The following SPTBN2 variants were observed in gnomAD, a reference collection of about 807,000 sequenced individuals.
SPTBN2 encodes spectrin beta, non-erythrocytic 2.
In SPTBN2, 107 loss-of-function variants were observed where a neutral mutation model predicts 284.2. That is an observed-to-expected ratio of 0.38 (90% CI 0.32 to 0.44). The LOEUF is 0.44. SPTBN2 is among the 20% of genes least tolerant of loss of function. The pLI, the probability that SPTBN2 is intolerant of heterozygous loss-of-function variation, is 1.00. For synonymous variants in SPTBN2, 1,289 were observed against 1,354.8 expected (o/e 0.95, Z 1.07); for missense variants, 2,569 against 3,287.1 (o/e 0.78, Z 5.34).
intron 7 of SPTBN2, 117 bp downstream of exon 7, chr11:66,713,974 T>A: frequency 8.9e-7 from 1 of 1,120,794 alleles, no homozygotes; most frequent in South Asian, 1.3e-5. Flanking sequence ...CTGCTCCGAG[T>A]GCTATTCCTT....
At position 66,710,599 on chromosome 11, in the gene SPTBN2, G is replaced by A. The variant is rs746467181; in HGVS notation, c.1056C>T (p.Thr352=). The A allele has an allele frequency of 4.3e-6, 7 of 1,613,824 alleles. No individual in the cohort carries two copies. Among genetic ancestry groups the A allele is most frequent in the East Asian group, 2.2e-5 (1 of 44,842 alleles). Residue 352 remains threonine (T), a synonymous_variant, in exon 10 of 38, where the codon ACC becomes ACT. Coordinates refer to ENST00000533211, the MANE Select transcript of SPTBN2 (RefSeq NM_006946.4). The surrounding 1 kb of genome is among the most constrained non-coding windows in gnomAD (Gnocchi z 4.9). ...NQLQSFNSYR[T]VEKPPKFTEK... is the part of the protein sequence containing the mutation. Reference sequence around the variant, plus strand: ...ACACCTACTTGGGCGGCTTCTCCACGGTGCGGTAGGAGTTGAAGGACTGCA... The same window carrying A: ...ACACCTACTTGGGCGGCTTCTCCACAGTGCGGTAGGAGTTGAAGGACTGCA...
At chr11:66,714,484 C>A in intron 5 of SPTBN2, 77 bp from the exon 6 acceptor site, 2 of 1,263,080 alleles carry the variant, frequency 1.6e-6, no homozygotes, top group Non-Finnish European at 2.3e-6. Context: ...AGATAAATGG[C>A]AGGAAACTGC....
Position 66,707,706 on chromosome 11 carries a change from G to T in SPTBN2, c.1463C>A (p.Ala488Asp). Residue 488 changes from alanine to aspartate, a missense_variant, in exon 13 of 38, where the codon GCT becomes GAT. Ala to Asp is a moderately radical substitution (Grantham distance 126). Transcript: ENST00000533211. The surrounding 1 kb of genome is among the most constrained non-coding windows in gnomAD (Gnocchi z 4.9). ...GTAGCGCTCGGCGGCCAGCTCTGCA[G>T]CCACGGCGTCCACTGCCTGCACCCG... ...SGRVQAVDAVAAELAAERYHD... is the reference protein window; with the variant it reads ...SGRVQAVDAVDAELAAERYHD... 6.2e-7 allele frequency: 1 copy of T among 1,605,188 alleles called. No individual in the cohort carries two copies.
intron 1 of SPTBN2, among the ~76,000 whole-genome samples, chr11:66,723,402 G>A (rs1436212379): frequency 6.6e-6 from 1 of 152,150 alleles, no homozygotes; most frequent in Non-Finnish European, 1.5e-5. Flanking sequence ...GGAGAATAGA[G>A]AAGTGCTGGG....
At chr11:66,701,801 A>AC in intron 15 of SPTBN2, 80 bp from the exon 16 acceptor site, 4 of 1,599,648 alleles carry the variant, frequency 2.5e-6, no homozygotes, top group Non-Finnish European at 3.4e-6. Context: ...TCTCTTAAAC[A>AC]CCCAGGAGGG....
Position 66,683,123 on chromosome 11 carries a change from A to G in SPTBN2, c.*2748T>C, listed in dbSNP as rs1390078421. Among the ~76,000 whole-genome samples, 27 of 126,758 alleles carry G rather than the reference A, an allele frequency of 2.1e-4. No homozygotes were observed. The highest frequency in any genetic ancestry group is 6.4e-4 in the African/African-American group (21 of 32,834). The allele number at this position is 126,758 out of a possible 152,430, so 83.2% of individuals were successfully genotyped here. On this transcript the variant is annotated 3_prime_UTR_variant, in exon 38 of 38. Transcript: ENST00000533211. ...CGCTCTGTCACCCAGGCTGGAGCGC[A>G]GTGGCGGCATCTCGGCTCACTGCAA...
At chr11:66,694,654 C>T (rs1212064670) in intron 21 of SPTBN2, among the ~76,000 whole-genome samples, 11 of 152,258 alleles carry the variant, frequency 7.2e-5, no homozygotes, top group Admixed American at 7.2e-4. Flanking sequence ...AACAAACCTG[C>T]ACCCACACCC....
intron 1 of SPTBN2, among the ~76,000 whole-genome samples, chr11:66,741,875 G>A (rs1942897973): frequency 6.6e-6 from 1 of 152,102 alleles, no homozygotes; most frequent in Middle Eastern, 3.4e-3. Context: ...AAGCTGGAGT[G>A]CAGTGGCATA....
At position 66,708,210 on chromosome 11, in the gene SPTBN2, G is replaced by T. The variant is rs374787500; in HGVS notation, c.1281C>A (p.Ala427=). 1 of 1,611,956 alleles carries T rather than the reference G, an allele frequency of 6.2e-7. No individual in the cohort carries two copies. Among genetic ancestry groups the T allele is most frequent in the Non-Finnish European group, 8.5e-7 (1 of 1,179,120 alleles). ...TGGCAGCCTTGCGGTCGAAGCGGGC[G>T]GCCAGCTGCTCCAGCTTCTCCTGGC... ...LIRQEKLEQL[A]ARFDRKAAMR... The change falls in exon 12 of 38, where the codon GCC becomes GCA. Residue 427 remains alanine, a synonymous_variant. Transcript: ENST00000533211. This position sits in a 1 kb window ranked among gnomAD's most constrained non-coding sequence, Gnocchi z 4.4.
At position 66,687,098 on chromosome 11, in the gene SPTBN2, G is replaced by A. The variant is rs746755099; in HGVS notation, c.6792C>T (p.Ala2264=). 8.7e-6 allele frequency: 14 copies of A among 1,614,110 alleles called. No individual in the cohort carries two copies. Among genetic ancestry groups the A allele is most frequent in the Admixed American group, 1.7e-5 (1 of 60,030 alleles). Reference sequence around the variant, plus strand: ...CTCCGTGGTATGGCACTCCCGCGCTGGCTGCCTTGGCATCCTTGTAAAAGC... The same window carrying A: ...CTCCGTGGTATGGCACTCCCGCGCTAGCTGCCTTGGCATCCTTGTAAAAGC... ...SLGFYKDAKA[A]SAGVPYHGEV... The change falls in exon 36 of 38, where the codon GCC becomes GCT. Residue 2264 remains alanine (A), a synonymous_variant. Coordinates refer to ENST00000533211, the MANE Select transcript of SPTBN2 (RefSeq NM_006946.4). This position sits in a 1 kb window ranked among gnomAD's most constrained non-coding sequence, Gnocchi z 5.2.
chr11:66,693,048 G>C lies in SPTBN2; in HGVS notation c.4907C>G (p.Ala1636Gly). 2.5e-6 allele frequency: 4 copies of C among 1,613,822 alleles called. No homozygotes were observed. The highest frequency in any genetic ancestry group is 2.5e-6 in the Non-Finnish European group (3 of 1,180,030). ...EVKKHQVLEQALADYAQTIHQ... is the reference protein window; with the variant it reads ...EVKKHQVLEQGLADYAQTIHQ... Reference sequence around the variant, plus strand: ...GATGGTCTGCGCGTAGTCGGCCAGGGCTTGCTCCAGCACCTGGTGCTTCTT... The same window carrying C: ...GATGGTCTGCGCGTAGTCGGCCAGGCCTTGCTCCAGCACCTGGTGCTTCTT... The change falls in exon 25 of 38, where the codon GCC becomes GGC. Residue 1636 changes from alanine to glycine, a missense_variant. Physicochemically the swap from Ala to Gly is moderately conservative, Grantham distance 60. Transcript: ENST00000533211. This position sits in a 1 kb window ranked among gnomAD's most constrained non-coding sequence, Gnocchi z 5.7.
In SPTBN2 at chr11:66,689,913, C is replaced by G; in HGVS notation, c.5841G>C (p.Lys1947Asn). 1 of 1,614,090 alleles carries G rather than the reference C, an allele frequency of 6.2e-7. No individual in the cohort carries two copies. The highest frequency in any genetic ancestry group is 8.5e-7 in the Non-Finnish European group (1 of 1,180,020). Reference sequence around the variant, plus strand: ...TCTCTGCCTTGATGCCTTGCTGGTTCTTGATGACTAGATCCGCGGAGGACA... The same window carrying G: ...TCTCTGCCTTGATGCCTTGCTGGTTGTTGATGACTAGATCCGCGGAGGACA... ...RDVSSADLVI[K>N]NQQGIKAEIE... Residue 1947 changes from lysine (K) to asparagine (N), a missense_variant, in exon 29 of 38, where the codon AAG becomes AAC. Lys to Asn is a moderately conservative substitution (Grantham distance 94). This residue lies in a region of SPTBN2 where 1,130 missense variants were observed against 1,317.3 expected (regional missense o/e 0.86). Transcript: ENST00000533211.
At chr11:66,688,879 G>T in intron 30 of SPTBN2, 30 bp from the exon 31 acceptor site, 1 of 1,608,616 alleles carries the variant, frequency 6.2e-7, no homozygotes. Flanking sequence ...CAGGAAGATG[G>T]TGGGTCAGAG....
At position 66,699,556 on chromosome 11, in the gene SPTBN2, G is replaced by A. The variant is rs778424143; in HGVS notation, c.3626C>T (p.Ala1209Val). ...EMPGTLQAAD[A>V]AIKKLEDFMS... ...GAAGTCCTCCAGTTTTTTAATGGCA[G>A]CATCAGCAGCCTGGAGTGTCCCTGG... The change falls in exon 18 of 38, where the codon GCT (alanine) becomes GTT (valine). Residue 1209 changes from alanine (A) to valine (V), a missense_variant. Physicochemically the swap from Ala to Val is moderately conservative, Grantham distance 64. Coordinates refer to ENST00000533211, the MANE Select transcript of SPTBN2 (RefSeq NM_006946.4). 7 of 1,614,188 alleles carry A rather than the reference G, an allele frequency of 4.3e-6. No homozygotes were observed. The East Asian group carries it at 1.6e-4, about 36-fold the overall frequency.
Position 66,707,640 on chromosome 11 carries a change from G to C in SPTBN2, c.1529C>G (p.Ala510Gly). The C allele has an allele frequency of 6.2e-7, 1 of 1,609,358 alleles. No homozygotes were observed. The highest frequency in any genetic ancestry group is 8.5e-7 in the Non-Finnish European group (1 of 1,179,968). ...CTGCCGCAAGAAGTCCCAGAGCCGT[G>C]CCACGTTGTGCTGCCGAGCGGCGAT... ...KRIAARQHNVARLWDFLRQMV... is the reference protein window; with the variant it reads ...KRIAARQHNVGRLWDFLRQMV... Residue 510 changes from alanine (A) to glycine (G), a missense_variant, in exon 13 of 38, where the codon GCA becomes GGA. Coordinates refer to ENST00000533211, the MANE Select transcript of SPTBN2 (RefSeq NM_006946.4). The surrounding 1 kb of genome is among the most constrained non-coding windows in gnomAD (Gnocchi z 4.9).
rs1027190718 is a variant in SPTBN2 at position 66,708,675 on chromosome 11, C to T, written c.1191+227G>A. ...TTGGGGCATAATTTCCTTATGTGAC[C>T]TCGTATGGAGAGTCAGACAAAGGGA... On this transcript the variant is annotated intron_variant, in intron 11 of 37. Transcript: ENST00000533211. The surrounding 1 kb of genome is among the most constrained non-coding windows in gnomAD (Gnocchi z 4.4). 8.5e-5 allele frequency among the ~76,000 whole-genome samples: 13 copies of T among 152,100 alleles called. No homozygotes were observed. Among genetic ancestry groups the T allele is most frequent in the Non-Finnish European group, 1.5e-5 (1 of 68,036 alleles).
intron 1 of SPTBN2, among the ~76,000 whole-genome samples, chr11:66,742,026 T>C (rs991941246): frequency 6.6e-6 from 1 of 152,164 alleles, no homozygotes; most frequent in Non-Finnish European, 1.5e-5. Context: ...GTCACTATAA[T>C]GCCCAGGTTG....
At chr11:66,723,946 G>A (rs568778871) in intron 1 of SPTBN2, among the ~76,000 whole-genome samples, 1 of 152,164 alleles carries the variant, frequency 6.6e-6, no homozygotes, top group Admixed American at 6.5e-5. Flanking sequence ...CTTAAGCTCA[G>A]CTCTGGGATG....
intron 25 of SPTBN2, 61 bp from the exon 26 acceptor site, chr11:66,692,801 G>C: frequency 6.3e-7 from 1 of 1,598,098 alleles, no homozygotes; most frequent in South Asian, 1.1e-5. Context: ...CCTCCGGTCT[G>C]TTCTGTGGAG....
Sources: allele counts gnomAD v4.1 joint callset (sites outside exome capture counted in the v4.1 genomes callset), GRCh38; gene constraint gnomAD v4.1.1; regional missense constraint gnomAD v4.1.1; non-coding constraint Gnocchi (gnomAD v3.1); transcripts MANE v1.5; gene names NCBI Gene and HGNC (gene_info 2026-07-23, HGNC 2026-07-21).